Variants in OSBPL5 observed in about 807,000 individuals in gnomAD.
OSBPL5 encodes the protein oxysterol-binding protein-related protein 5.
A neutral mutation model predicts 111.2 loss-of-function variants in OSBPL5; 71 were observed. The observed-to-expected ratio is 0.64, with a 90% confidence interval of 0.53 to 0.78. OSBPL5 has a LOEUF of 0.78. OSBPL5 is among the 30% of genes least tolerant of loss of function. The pLI is 0.00. For synonymous variants in OSBPL5, 549 were observed against 513.9 expected, an observed-to-expected ratio of 1.07 and a Z score of -0.93; for missense variants, 1,210 against 1,189.3, an observed-to-expected ratio of 1.02 and a Z score of -0.26.
intron 1 of OSBPL5, among the ~76,000 whole-genome samples, chr11:3,137,728 G>C (rs1418186308): frequency 6.6e-6 from 1 of 152,212 alleles, no homozygotes. Context: ...AGGATTGCTT[G>C]AGCCTGGGAG....
chr11:3,094,937 G>C (rs897169891), intron 14 of OSBPL5: 1 of 152,054 alleles, frequency 6.6e-6, no homozygotes, highest in Non-Finnish European at 1.5e-5. Flanking sequence ...ATATGGAGGA[G>C]GTAATCTAAT....
At chr11:3,108,894 G>A (rs996039618) in intron 7 of OSBPL5, among the ~76,000 whole-genome samples, 1 of 151,964 alleles carries the variant, frequency 6.6e-6, no homozygotes, top group Non-Finnish European at 1.5e-5. Context: ...TCACCCTCCT[G>A]AGTAGCTGGG....
At chr11:3,103,807 TCTTCCTGCCTGCGCAGC>T (rs1857575656) in intron 10 of OSBPL5, among the ~76,000 whole-genome samples, 1 of 44,470 alleles carries the variant, frequency 2.2e-5, no homozygotes, top group African/African-American at 5.8e-5. Flanking sequence ...TCTGCAGCCC[TCTTCCTGCCTGCGCAGC>T]CCCCTTCCAG....
At chr11:3,131,296 C>G (rs148778661) in intron 1 of OSBPL5, among the ~76,000 whole-genome samples, 24 of 152,240 alleles carry the variant, frequency 1.6e-4, no homozygotes, top group African/African-American at 5.5e-4. Flanking sequence ...CACCAGTCTC[C>G]CGCTCCCTTG....
At chr11:3,093,147 C>T in intron 17 of OSBPL5, 95 bp from the exon 18 acceptor site, 1 of 1,275,052 alleles carries the variant, frequency 7.8e-7, no homozygotes, top group Admixed American at 2.8e-5. Flanking sequence ...AAGGAAGGCA[C>T]AGAGCAACCT....
At chr11:3,115,563 G>A (rs555110015) in intron 7 of OSBPL5, among the ~76,000 whole-genome samples, 1 of 152,332 alleles carries the variant, frequency 6.6e-6, no homozygotes, top group Admixed American at 6.5e-5. Context: ...AGATAGACAT[G>A]TGAGATTGTA....
chr11:3,131,765 CTT>C (rs1845799686), intron 1 of OSBPL5, among the ~76,000 whole-genome samples: 5 of 97,086 alleles, frequency 5.2e-5, no homozygotes, highest in Admixed American at 4.9e-4. Context: ...CATCCACCAT[CTT>C]CCCATCCATC....
At chr11:3,088,413 C>T in intron 21 of OSBPL5, 70 bp from the exon 22 acceptor site, 1 of 1,407,826 alleles carries the variant, frequency 7.1e-7, no homozygotes, top group Non-Finnish European at 9.2e-7. Flanking sequence ...CAAGCCAGGA[C>T]AGTGCCCTGG....
intron 1 of OSBPL5, among the ~76,000 whole-genome samples, chr11:3,136,163 G>A (rs980844945): frequency 6.6e-5 from 10 of 152,196 alleles, no homozygotes; most frequent in African/African-American, 1.9e-4. Context: ...CCCACGCCAA[G>A]GCCAGCTGTT....
chr11:3,140,309 G>A lies in OSBPL5; in HGVS notation c.-21-11140C>T. Among the ~76,000 whole-genome samples the A allele has an allele frequency of 6.6e-6, 1 of 152,204 alleles. No homozygotes were observed. Among genetic ancestry groups the A allele is most frequent in the East Asian group, 1.9e-4 (1 of 5,196 alleles). ...AGGGCCAGCATGGTGCCACCCAGGA[G>A]TGACACACACAGCCAAGCTCTCCCC... is the stretch of plus-strand genomic sequence containing the variant. On this transcript the variant is annotated intron_variant, in intron 1 of 21. Transcript: ENST00000263650. This position sits in a 1 kb window ranked among gnomAD's most constrained non-coding sequence, Gnocchi z 4.5.
intron 1 of OSBPL5, among the ~76,000 whole-genome samples, chr11:3,137,104 C>T (rs1443646765): frequency 6.6e-6 from 1 of 152,220 alleles, no homozygotes; most frequent in Non-Finnish European, 1.5e-5. Flanking sequence ...CAGAAACTTG[C>T]TAAGGTCAAT....
At chr11:3,089,587 CA>C (rs1856987605) in intron 21 of OSBPL5, among the ~76,000 whole-genome samples, 1 of 152,204 alleles carries the variant, frequency 6.6e-6, no homozygotes, top group Non-Finnish European at 1.5e-5. Flanking sequence ...CTCTAGGCTT[CA>C]GGACATCTCC....
chr11:3,111,509 C>A (rs1038463151), intron 7 of OSBPL5, among the ~76,000 whole-genome samples: 3 of 152,160 alleles, frequency 2.0e-5, no homozygotes, highest in Non-Finnish European at 1.5e-5. Context: ...TCAGTGATCA[C>A]GTAAGTTGTG....
chr11:3,104,167 G>C lies in OSBPL5; in HGVS notation c.1244+26C>G, dbSNP rs1336584800. The C allele has an allele frequency of 1.3e-6, 2 of 1,586,414 alleles. No homozygotes were observed. The highest frequency in any genetic ancestry group is 1.7e-6 in the Non-Finnish European group (2 of 1,161,174). On this transcript the variant is annotated intron_variant, in intron 10 of 21. Transcript: ENST00000263650. The surrounding 1 kb of genome is among the most constrained non-coding windows in gnomAD (Gnocchi z 5.0). ...CATGCAGATGCAGGACGAGGTGTGG[G>C]GTGCCCCTCCCGGCATGGCGCGCAC...
At position 3,091,740 on chromosome 11, in the gene OSBPL5, G is replaced by A. The variant is rs117012084; in HGVS notation, c.2259+692C>T. 2.5e-3 allele frequency among the ~76,000 whole-genome samples: 385 copies of A among 152,266 alleles called. 1 individual carries two copies. The highest frequency in any genetic ancestry group is 4.2e-3 in the Non-Finnish European group (288 of 67,996). ...TGGGACATGCAGCCAAGGAGATACC[G>A]CGGCCCCCAGCTTGCTGGAGAAGTT... On this transcript the variant is annotated intron_variant, in intron 19 of 21. Coordinates refer to ENST00000263650, the MANE Select transcript of OSBPL5 (RefSeq NM_020896.4).
chr11:3,164,121 C>T (rs1847042999), intron 1 of OSBPL5: 1 of 152,280 alleles, frequency 6.6e-6, no homozygotes, highest in Non-Finnish European at 1.5e-5. Context: ...CCCACTTCTC[C>T]AGGCTTTGGG....
Position 3,154,195 on chromosome 11 carries a change from G to A in OSBPL5, c.-22+11021C>T, listed in dbSNP as rs533633555. Among the ~76,000 whole-genome samples, 16 of 152,362 alleles carry A rather than the reference G, an allele frequency of 1.1e-4. No individual in the cohort carries two copies. Among genetic ancestry groups the A allele is most frequent in the Admixed American group, 2.0e-4 (3 of 15,302 alleles). ...GGCCAGAGGGCAAAGGTGAAGGGGC[G>A]GCTGACACACTCCAGCCCACAGATC... On this transcript the variant is annotated intron_variant, in intron 1 of 21. Transcript: ENST00000263650. The surrounding 1 kb of genome is among the most constrained non-coding windows in gnomAD (Gnocchi z 4.9).
intron 1 of OSBPL5, among the ~76,000 whole-genome samples, chr11:3,156,790 G>A (rs1028850489): frequency 6.6e-6 from 1 of 152,248 alleles, no homozygotes; most frequent in Non-Finnish European, 1.5e-5. Flanking sequence ...CACAGGCCGA[G>A]GGCCGGCACC....
chr11:3,104,278 C>G lies in OSBPL5; in HGVS notation c.1159G>C (p.Val387Leu), dbSNP rs748457490. 1.9e-6 allele frequency: 3 copies of G among 1,613,728 alleles called. No homozygotes were observed. Among genetic ancestry groups the G allele is most frequent in the Non-Finnish European group, 1.7e-6 (2 of 1,179,984 alleles). Residue 387 changes from valine to leucine, a missense_variant, in exon 10 of 22, where the codon GTG becomes CTG. Physicochemically the swap from Val to Leu is conservative, Grantham distance 32. Coordinates refer to ENST00000263650, the MANE Select transcript of OSBPL5 (RefSeq NM_020896.4). This position sits in a 1 kb window ranked among gnomAD's most constrained non-coding sequence, Gnocchi z 5.0. ...QLRPGMDLSR[V>L]VLPTFVLEPR... The stretch of plus-strand genomic sequence containing the variant: ...TCCAGTACGAACGTGGGTAGCACCA[C>G]GCGGGACAGGTCCATGCCTGGCCGT...
Sources: allele counts gnomAD v4.1 joint callset (sites outside exome capture counted in the v4.1 genomes callset), GRCh38; gene constraint gnomAD v4.1.1; non-coding constraint Gnocchi (gnomAD v3.1); transcripts MANE v1.5; gene names NCBI Gene and HGNC (gene_info 2026-07-23, HGNC 2026-07-21).